LAMA1: variants seen among roughly 807,000 people sequenced by gnomAD.
LAMA1 encodes laminin subunit alpha-1.
LAMA1 carries 219 observed loss-of-function variants against 348.7 expected under a neutral mutation model. The observed-to-expected ratio is 0.63, with a 90% CI of 0.56 to 0.70. The LOEUF is 0.70. LAMA1 is among the 30% of genes least tolerant of loss of function. The pLI is 0.00. For missense variants in LAMA1, 3,744 were observed against 3,888.0 expected (o/e 0.96, Z 0.99); for synonymous variants, 1,487 against 1,491.0 (o/e 1.00, Z 0.06).
intron 1 of LAMA1, among the ~76,000 whole-genome samples, chr18:7,108,413 C>T (rs1383135875): frequency 2.6e-5 from 4 of 151,888 alleles, no homozygotes; most frequent in African/African-American, 9.7e-5. Context: ...GTAATCCCAG[C>T]ACTTTGGGAG....
intron 55 of LAMA1, among the ~76,000 whole-genome samples, chr18:6,957,872 C>T (rs1377679434): frequency 6.6e-6 from 1 of 152,244 alleles, no homozygotes; most frequent in African/African-American, 2.4e-5. Context: ...CCTCCGCCTC[C>T]CGGGTTCAAG....
chr18:7,066,098 A>T (rs2058121836), intron 3 of LAMA1, among the ~76,000 whole-genome samples: 1 of 152,182 alleles, frequency 6.6e-6, no homozygotes, highest in Non-Finnish European at 1.5e-5. Context: ...CCCTGGAAAA[A>T]GGTAGTGATA....
intron 50 of LAMA1, among the ~76,000 whole-genome samples, chr18:6,965,082 T>G (rs1054937172): frequency 1.3e-5 from 2 of 152,174 alleles, no homozygotes; most frequent in African/African-American, 2.4e-5. Context: ...ATAACACACT[T>G]GGAAATCACA....
At chr18:6,999,396 C>T in intron 32 of LAMA1, 49 bp downstream of exon 32, 12 of 1,593,006 alleles carry the variant, frequency 7.5e-6, no homozygotes, top group Non-Finnish European at 1.0e-5. Flanking sequence ...TTTCCCGACA[C>T]ATTTGGGAGG....
Position 7,040,118 on chromosome 18 carries a change from G to A in LAMA1, c.1380C>T (p.Gly460=), listed in dbSNP as rs145761207. 5.9e-5 allele frequency: 95 copies of A among 1,614,106 alleles called. No homozygotes were observed. The highest frequency in any genetic ancestry group is 7.9e-5 in the Non-Finnish European group (93 of 1,180,016). Residue 460 remains glycine (G), a synonymous_variant, in exon 10 of 63, where the codon GGC becomes GGT. Coordinates refer to ENST00000389658, the MANE Select transcript of LAMA1 (RefSeq NM_005559.4). ...CTGTGCAGGGCTCATCACTGGCACT[G>A]CCCACTGGGTTGCACCCACAGGAGA... ...TCVSCGCNPV[G]SASDEPCTGP... is the part of the protein sequence containing the mutation.
Position 7,034,644 on chromosome 18 carries a change from T to C in LAMA1, c.1886A>G (p.Gln629Arg). Residue 629 changes from glutamine to arginine, a missense_variant, in exon 14 of 63, where the codon CAG becomes CGG. This residue lies in a region of LAMA1 where 1,529 missense variants were observed against 1,689.4 expected (regional missense o/e 0.91). Transcript: ENST00000389658. ...CACGTTTAGGTACTCTTCATAAGGC[T>C]GCAATGACAGACCCTCAGCCTGTGT... ...LSTQAEGLSL[Q>R]PYEEYLNVVR... is the part of the protein sequence containing the mutation. 6.2e-7 allele frequency: 1 copy of C among 1,614,236 alleles called. No individual in the cohort carries two copies. Among genetic ancestry groups the C allele is most frequent in the South Asian group, 1.1e-5 (1 of 91,084 alleles).
At chr18:7,075,592 C>T (rs2058164306) in intron 3 of LAMA1, among the ~76,000 whole-genome samples, 5 of 151,248 alleles carry the variant, frequency 3.3e-5, no homozygotes, top group Non-Finnish European at 7.4e-5. Flanking sequence ...CATTGCCCTC[C>T]AGTCTGGGAA....
At chr18:7,034,449 G>T in intron 14 of LAMA1, 30 bp downstream of exon 14, 1 of 1,530,926 alleles carries the variant, frequency 6.5e-7, no homozygotes, top group Non-Finnish European at 9.0e-7. Flanking sequence ...TACCTTCACC[G>T]TAAGTTTTTC....
In LAMA1 at chr18:6,961,609, C is replaced by G; in HGVS notation, c.7603G>C (p.Gly2535Arg). 1 of 1,613,850 alleles carries G rather than the reference C, an allele frequency of 6.2e-7. No homozygotes were observed. Among genetic ancestry groups the G allele is most frequent in the Non-Finnish European group, 8.5e-7 (1 of 1,180,026 alleles). Residue 2535 changes from glycine (G) to arginine (R), a missense_variant, in exon 53 of 63, where the codon GGT (glycine) becomes CGT (arginine). Coordinates refer to ENST00000389658, the MANE Select transcript of LAMA1 (RefSeq NM_005559.4). ...AALGGDVEKR[G>R]DREEAHVPFF... is the part of the protein sequence containing the mutation. ...ACCACGTGTGCTTCCTCACGATCAC[C>G]CCGCTTCTCCACATCCCCGCCGAGG... is the stretch of plus-strand genomic sequence containing the variant.
At chr18:7,085,146 G>A (rs2058209460) in intron 1 of LAMA1, among the ~76,000 whole-genome samples, 1 of 152,048 alleles carries the variant, frequency 6.6e-6, no homozygotes, top group Non-Finnish European at 1.5e-5. Context: ...TACAGGATCT[G>A]AGGCAATATT....
intron 10 of LAMA1, 42 bp from the exon 11 acceptor site, chr18:7,038,992 T>A (rs2058008833): frequency 6.5e-7 from 1 of 1,527,364 alleles, no homozygotes; most frequent in South Asian, 1.1e-5. Context: ...AACCAATGTG[T>A]CTGTCCAGAG....
intron 1 of LAMA1, among the ~76,000 whole-genome samples, chr18:7,088,075 T>A (rs576359355): frequency 1.2e-4 from 18 of 152,192 alleles, no homozygotes; most frequent in Non-Finnish European, 2.4e-4. Flanking sequence ...CCACTGGGTA[T>A]GAAAAGCACA....
At chr18:7,024,602 T>C in intron 17 of LAMA1, 136 bp from the exon 18 acceptor site, 1 of 736,514 alleles carries the variant, frequency 1.4e-6, no homozygotes, top group Non-Finnish European at 2.4e-6. Flanking sequence ...ATCCGGGGCC[T>C]CTGGTCACCC....
At chr18:6,963,528 A>G (rs1167985986) in intron 51 of LAMA1, among the ~76,000 whole-genome samples, 1 of 152,238 alleles carries the variant, frequency 6.6e-6, no homozygotes, top group Non-Finnish European at 1.5e-5. Flanking sequence ...GAAGGGGCAC[A>G]GTGGAGAAGT....
At chr18:7,075,821 C>CA (rs1335604269) in intron 3 of LAMA1, among the ~76,000 whole-genome samples, 1 of 150,948 alleles carries the variant, frequency 6.6e-6, no homozygotes, top group African/African-American at 2.4e-5. Context: ...CCTGTAGTCC[C>CA]AGCCACTTGG....
chr18:6,956,478 C>T (rs1358001636), intron 56 of LAMA1, 158 bp downstream of exon 56: 1 of 1,273,334 alleles, frequency 7.9e-7, no homozygotes, highest in Non-Finnish European at 1.1e-6. Flanking sequence ...CACCCTTTCC[C>T]TCCCTGTCCC....
At chr18:7,049,814 A>C (rs1461025300) in intron 4 of LAMA1, among the ~76,000 whole-genome samples, 1 of 152,188 alleles carries the variant, frequency 6.6e-6, no homozygotes, top group African/African-American at 2.4e-5. Flanking sequence ...TATATACTTA[A>C]AATCTGTATG....
At chr18:7,015,224 T>C (rs1022297058) in intron 22 of LAMA1, among the ~76,000 whole-genome samples, 3 of 152,184 alleles carry the variant, frequency 2.0e-5, no homozygotes, top group African/African-American at 7.2e-5. Context: ...CTTAAGGGTG[T>C]CCTGTCTTCC....
chr18:6,968,107 G>GT (rs2057641967), intron 48 of LAMA1, among the ~76,000 whole-genome samples: 1 of 152,164 alleles, frequency 6.6e-6, no homozygotes, highest in Non-Finnish European at 1.5e-5. Flanking sequence ...CTCTGCCTTG[G>GT]TAAGGGCCCA....
Sources: allele counts gnomAD v4.1 joint callset (sites outside exome capture counted in the v4.1 genomes callset), GRCh38; gene constraint gnomAD v4.1.1; regional missense constraint gnomAD v4.1.1; transcripts MANE v1.5; gene names NCBI Gene and HGNC (gene_info 2026-07-23, HGNC 2026-07-21).